ULK4: variants seen among roughly 807,000 people sequenced by gnomAD.
The protein encoded by ULK4 is unc-51 like kinase 4.
In ULK4, 133 loss-of-function variants were observed where a neutral mutation model predicts 160.6. That is an observed-to-expected ratio of 0.83 (90% CI 0.72 to 0.96). The LOEUF (loss-of-function observed/expected upper bound fraction) is 0.96. Among genes scored for constraint, ULK4 ranks in the 40% least tolerant of loss-of-function variants. The probability of loss-of-function intolerance (pLI) is 0.00; values close to 1 mark genes in which losing one functional copy is unlikely to be tolerated. For missense variants in ULK4, 1,580 were observed against 1,499.5 expected (o/e 1.05, Z -0.89); for synonymous variants, 534 against 539.8 (o/e 0.99, Z 0.15).
At chr3:41,598,001 T>A (rs1012507702) in intron 31 of ULK4, among the ~76,000 whole-genome samples, 1 of 152,168 alleles carries the variant, frequency 6.6e-6, no homozygotes, top group Non-Finnish European at 1.5e-5. Context: ...TCTAAGCACA[T>A]CTTTCAGTAC....
chr3:41,753,389 T>C lies in ULK4; in HGVS notation c.2321+972A>G, dbSNP rs2125896959. The stretch of plus-strand genomic sequence containing the variant: ...CAGCAATACCAGGCTCTGCTCAGTA[T>C]TCTAGAACAAGTAAAACCCTGGATC... On this transcript the variant is annotated intron_variant, in intron 22 of 36. Transcript: ENST00000301831. Among the ~76,000 whole-genome samples, 3 of 152,316 alleles carry C rather than the reference T, an allele frequency of 2.0e-5. No individual in the cohort carries two copies. In the South Asian group the frequency reaches 6.2e-4, roughly 32 times the overall value.
At chr3:41,870,865 A>AC (rs1375141775) in intron 17 of ULK4, among the ~76,000 whole-genome samples, 1 of 152,050 alleles carries the variant, frequency 6.6e-6, no homozygotes, top group East Asian at 1.9e-4. Flanking sequence ...CCCAAATCTC[A>AC]CCCTGAATCG....
intron 31 of ULK4, among the ~76,000 whole-genome samples, chr3:41,585,764 G>A (rs1436993964): frequency 4.6e-5 from 7 of 152,028 alleles, no homozygotes; most frequent in Non-Finnish European, 7.4e-5. Flanking sequence ...TGTGCAAATC[G>A]TACTTCTGAT....
intron 32 of ULK4, among the ~76,000 whole-genome samples, chr3:41,496,906 A>G (rs949644874): frequency 6.6e-6 from 1 of 152,164 alleles, no homozygotes; most frequent in Admixed American, 6.6e-5. Context: ...AAATTAAGTA[A>G]CACCCAGAAA....
At chr3:41,642,487 A>G (rs1487642918) in intron 30 of ULK4, among the ~76,000 whole-genome samples, 2 of 151,936 alleles carry the variant, frequency 1.3e-5, no homozygotes, top group African/African-American at 2.4e-5. Context: ...ATGATTTCCA[A>G]TTTCATCCAT....
At chr3:41,719,403 T>C (rs1125203) in intron 22 of ULK4, among the ~76,000 whole-genome samples, 48,380 of 152,058 alleles carry the variant, frequency 0.32, 11,365 homozygotes, top group African/African-American at 0.67. Context: ...TATTCAACTG[T>C]TGACTTGACA....
intron 21 of ULK4, among the ~76,000 whole-genome samples, chr3:41,774,463 C>A (rs1433478434): frequency 6.7e-6 from 1 of 150,244 alleles, no homozygotes; most frequent in Non-Finnish European, 1.5e-5. Flanking sequence ...CCAAAAAACA[C>A]ATGAAAAAAT....
chr3:41,289,385 T>C (rs188039957), intron 35 of ULK4, among the ~76,000 whole-genome samples: 4 of 152,318 alleles, frequency 2.6e-5, no homozygotes, highest in African/African-American at 9.6e-5. Flanking sequence ...CTACTCTAAA[T>C]TCTCCATCAG....
At chr3:41,748,159 TAC>T (rs35503989) in intron 22 of ULK4, among the ~76,000 whole-genome samples, 2 of 140,828 alleles carry the variant, frequency 1.4e-5, no homozygotes, top group Non-Finnish European at 1.6e-5. Context: ...TATATATATA[TAC>T]ACACACACAT....
intron 35 of ULK4, among the ~76,000 whole-genome samples, chr3:41,250,365 C>T (rs1415918880): frequency 2.0e-5 from 3 of 152,220 alleles, no homozygotes; most frequent in African/African-American, 4.8e-5. Context: ...TTGTAATAAA[C>T]GCTTGTATGG....
chr3:41,663,795 C>G (rs1304562598), intron 29 of ULK4, 96 bp from the exon 30 acceptor site: 1 of 1,030,428 alleles, frequency 9.7e-7, no homozygotes, highest in Non-Finnish European at 1.5e-6. Flanking sequence ...TAGCTTAAGA[C>G]AGAAAGATAT....
At chr3:41,282,413 C>T (rs1376941212) in intron 35 of ULK4, among the ~76,000 whole-genome samples, 4 of 152,192 alleles carry the variant, frequency 2.6e-5, no homozygotes, top group African/African-American at 7.2e-5. Flanking sequence ...TACAAGGCTA[C>T]AGTAACCAAA....
chr3:41,661,608 C>A (rs567551486), intron 30 of ULK4, among the ~76,000 whole-genome samples: 1 of 152,010 alleles, frequency 6.6e-6, no homozygotes, highest in East Asian at 1.9e-4. Flanking sequence ...AGGACATACA[C>A]CAAAATAATA....
chr3:41,526,195 T>C (rs1364938982), intron 32 of ULK4, among the ~76,000 whole-genome samples: 2 of 152,148 alleles, frequency 1.3e-5, no homozygotes, highest in Non-Finnish European at 1.5e-5. Context: ...GTCTTCTTTT[T>C]CTCTTATATT....
intron 34 of ULK4, among the ~76,000 whole-genome samples, chr3:41,403,094 G>A (rs1186969024): frequency 6.6e-6 from 1 of 151,422 alleles, no homozygotes; most frequent in Admixed American, 6.6e-5. Context: ...AGGTTGTGGT[G>A]AGCCAATATC....
chr3:41,425,489 A>G (rs1400151762), intron 34 of ULK4, among the ~76,000 whole-genome samples: 1 of 152,194 alleles, frequency 6.6e-6, no homozygotes, highest in Non-Finnish European at 1.5e-5. Context: ...CAAGACATAT[A>G]ATCATCAGAT....
At chr3:41,595,029 T>C (rs2031598477) in intron 31 of ULK4, among the ~76,000 whole-genome samples, 1 of 152,178 alleles carries the variant, frequency 6.6e-6, no homozygotes. Flanking sequence ...GGAAGGGCAA[T>C]GAGTGCAGGA....
At chr3:41,615,316 C>A (rs756014056) in intron 31 of ULK4, among the ~76,000 whole-genome samples, 8 of 152,134 alleles carry the variant, frequency 5.3e-5, no homozygotes, top group Non-Finnish European at 1.0e-4. Context: ...ATACTGAGCA[C>A]CAGAAAATTC....
At chr3:41,387,738 G>A (rs926798036) in intron 35 of ULK4, among the ~76,000 whole-genome samples, 2 of 152,148 alleles carry the variant, frequency 1.3e-5, no homozygotes, top group African/African-American at 2.4e-5. Flanking sequence ...ATTCCATGGT[G>A]TATATGTGCC....
Sources: gnomAD v4.1 joint callset for allele counts (sites outside exome capture counted in the v4.1 genomes callset) on GRCh38, gnomAD v4.1.1 for gene constraint, MANE v1.5 for transcripts, NCBI Gene and HGNC (gene_info 2026-07-23, HGNC 2026-07-21) for gene names.